The following UGT3A1 variants were observed in gnomAD, a reference collection of about 807,000 sequenced individuals.
UGT3A1 encodes the protein UDP glycosyltransferase family 3 member A1, also known as UDP-glycosyltransferase 3A1.
In UGT3A1, 40 loss-of-function variants were observed where a neutral mutation model predicts 37.6. The ratio of observed to expected loss-of-function variants is 1.06; its 90% CI spans 0.83 to 1.38. The LOEUF (loss-of-function observed/expected upper bound fraction) is 1.38, where lower values mean the gene tolerates loss of function less well. Ranked by LOEUF, UGT3A1 falls within the 40% of genes most tolerant of loss-of-function variation. UGT3A1 has a pLI of 0.00. For missense variants in UGT3A1, 642 were observed against 634.2 expected, an observed-to-expected ratio of 1.01 and a Z score of -0.13; for synonymous variants, 256 against 232.3, an observed-to-expected ratio of 1.10 and a Z score of -0.93.
At chr5:35,961,732 A>G (rs1580922716) in intron 4 of UGT3A1, 1 of 152,156 alleles carries the variant, frequency 6.6e-6, no homozygotes, top group African/African-American at 2.4e-5. Context: ...TTAGACCTCT[A>G]AAGTATTATC....
intron 2 of UGT3A1, among the ~76,000 whole-genome samples, chr5:35,985,714 G>T (rs1282936852): frequency 6.6e-6 from 1 of 152,184 alleles, no homozygotes; most frequent in Non-Finnish European, 1.5e-5. Flanking sequence ...GGTCAGAGTG[G>T]ATTTAAAACT....
In UGT3A1 at chr5:35,955,735, A is replaced by G; in HGVS notation, c.1205T>C (p.Val402Ala). 1 of 1,614,222 alleles carries G rather than the reference A, an allele frequency of 6.2e-7. No individual in the cohort carries two copies. The highest frequency in any genetic ancestry group is 8.5e-7 in the Non-Finnish European group (1 of 1,180,030). The change falls in exon 6 of 7, where the codon GTA becomes GCA. Residue 402 changes from valine to alanine, a missense_variant. Val to Ala is a moderately conservative substitution (Grantham distance 64, BLOSUM62 0). Coordinates refer to ENST00000274278, the MANE Select transcript of UGT3A1 (RefSeq NM_152404.4). ...GDQHGNMVRV[V>A]AKNYGVSIRL... Reference sequence around the variant, plus strand: ...GATAGAGACACCATAATTTTTGGCTACTACTCGGACCATGTTTCCATGCTG... The same window carrying G: ...GATAGAGACACCATAATTTTTGGCTGCTACTCGGACCATGTTTCCATGCTG...
chr5:35,997,925 T>C (rs1741134141), intron 1 of UGT3A1, among the ~76,000 whole-genome samples: 1 of 152,238 alleles, frequency 6.6e-6, no homozygotes, highest in Non-Finnish European at 1.5e-5. Flanking sequence ...ATTATCTCTG[T>C]CAAAGGACTG....
Position 35,969,993 on chromosome 5 carries a change from C to T in UGT3A1, c.197-1860G>A, listed in dbSNP as rs145673770. On this transcript the variant is annotated intron_variant, in intron 2 of 6. Transcript: ENST00000274278. The stretch of plus-strand genomic sequence containing the variant: ...TACAGTTCCACATGGCTGAGGAGAC[C>T]TCACAATCATGGCAGAAGGCAAGGA... 2.8e-3 allele frequency among the ~76,000 whole-genome samples: 424 copies of T among 152,202 alleles called. 4 individuals are homozygous for T. The highest frequency in any genetic ancestry group is 9.6e-3 in the African/African-American group (398 of 41,516).
intron 4 of UGT3A1, chr5:35,962,589 A>G (rs189008158): frequency 1.1e-3 from 318 of 280,972 alleles, no homozygotes; most frequent in African/African-American, 6.7e-3. Context: ...GGGCTGGATC[A>G]ATCCTACACT....
chr5:35,992,273 C>T (rs920567033), upstream of UGT3A1, among the ~76,000 whole-genome samples: 4 of 152,200 alleles, frequency 2.6e-5, no homozygotes, highest in East Asian at 1.9e-4. Context: ...TTTGTGCATC[C>T]TTCACCTAGA....
At chr5:36,000,119 C>T (rs775529272) in intron 1 of UGT3A1, among the ~76,000 whole-genome samples, 1 of 152,294 alleles carries the variant, frequency 6.6e-6, no homozygotes, top group African/African-American at 2.4e-5. Context: ...TCTAAGTTCA[C>T]GAAGGCATTT....
chr5:35,983,997 C>T (rs918777547), intron 2 of UGT3A1, among the ~76,000 whole-genome samples: 3 of 152,054 alleles, frequency 2.0e-5, no homozygotes, highest in Admixed American at 6.5e-5. Flanking sequence ...TGAAATAAGA[C>T]AAGGATGCCC....
chr5:35,951,720 CTTG>C lies in UGT3A1; in HGVS notation c.*2479_*2481del, dbSNP rs1306321764. Reference sequence around the variant, plus strand: ...TTGTGTCAAATTAATTTACACTTCTCTTGTTGTATCAGGATTTTTTCTTCCTAT... The same window carrying C: ...TTGTGTCAAATTAATTTACACTTCTCTTGTATCAGGATTTTTTCTTCCTAT... On this transcript the variant is annotated 3_prime_UTR_variant, in exon 7 of 7. Coordinates refer to ENST00000274278, the MANE Select transcript of UGT3A1 (RefSeq NM_152404.4). 1 of 152,118 alleles carries C rather than the reference CTTG, an allele frequency of 6.6e-6. No homozygotes were observed. The highest frequency in any genetic ancestry group is 6.5e-5 in the Admixed American group (1 of 15,270). 9.4% of individuals were successfully genotyped at this position (152,118 alleles called of 1,614,324 possible).
intron 2 of UGT3A1, among the ~76,000 whole-genome samples, chr5:35,986,941 A>T (rs1415810210): frequency 6.6e-6 from 1 of 152,140 alleles, no homozygotes; most frequent in Non-Finnish European, 1.5e-5. Flanking sequence ...CCCTGAAAAT[A>T]TGTACATCTA....
chr5:35,988,627 G>A (rs1481682798), intron 1 of UGT3A1, 76 bp from the exon 2 acceptor site: 5 of 1,142,952 alleles, frequency 4.4e-6, no homozygotes, highest in Non-Finnish European at 6.4e-6. Context: ...AGGCAGGAGG[G>A]AATGGAAATT....
chr5:35,955,504 A>G, intron 6 of UGT3A1, 141 bp downstream of exon 6: 9 of 937,064 alleles, frequency 9.6e-6, no homozygotes, highest in Non-Finnish European at 1.5e-5. Context: ...CAGAGAAAAC[A>G]GGTGGGCTGT....
intron 2 of UGT3A1, among the ~76,000 whole-genome samples, chr5:35,976,714 T>C (rs1235902673): frequency 2.6e-5 from 4 of 152,004 alleles, no homozygotes; most frequent in African/African-American, 9.7e-5. Context: ...TGCACATCTG[T>C]AGTTCCAGCT....
At chr5:35,996,236 C>G (rs547927465), upstream of UGT3A1, among the ~76,000 whole-genome samples, 3 of 152,138 alleles carry the variant, frequency 2.0e-5, no homozygotes, top group African/African-American at 7.2e-5. Context: ...GAGAATGCAA[C>G]TCAGGAAGAC....
chr5:35,957,939 A>G (rs1485902959), intron 4 of UGT3A1, among the ~76,000 whole-genome samples: 1 of 152,160 alleles, frequency 6.6e-6, no homozygotes, highest in Non-Finnish European at 1.5e-5. Flanking sequence ...ATTTGTGTAG[A>G]TAATCTTTCC....
chr5:35,969,136 A>G (rs1489917035), intron 2 of UGT3A1, among the ~76,000 whole-genome samples: 4 of 152,216 alleles, frequency 2.6e-5, no homozygotes, highest in Non-Finnish European at 5.9e-5. Flanking sequence ...TAAGACTGAC[A>G]TCAGTGCAAT....
At position 35,957,375 on chromosome 5, in the gene UGT3A1, GAC is replaced by G; in HGVS notation, c.886_887del (p.Val296ProfsTer60). The G allele has an allele frequency of 6.2e-7, 1 of 1,614,164 alleles. No individual in the cohort carries two copies. ...TCAACATGGAGCCAAAGGCCACAAGGACAAACCCTGCATCCCCAAAGTTGGCA... is the reference window on the plus strand; with the variant it reads ...TCAACATGGAGCCAAAGGCCACAAGGAAACCCTGCATCCCCAAAGTTGGCA... ...FIANFGDAGF[V>X]LVAFGSMLNT... On this transcript the variant is annotated frameshift_variant, in exon 5 of 7. Coordinates refer to ENST00000274278, the MANE Select transcript of UGT3A1 (RefSeq NM_152404.4). LOFTEE classifies it high-confidence loss of function.
chr5:35,971,275 G>T (rs752010564), intron 2 of UGT3A1, among the ~76,000 whole-genome samples: 3 of 152,142 alleles, frequency 2.0e-5, no homozygotes, highest in Admixed American at 6.5e-5. Flanking sequence ...ACAAAGGAAC[G>T]CACAAAAAGG....
At chr5:35,977,867 T>C (rs1055431986) in intron 2 of UGT3A1, among the ~76,000 whole-genome samples, 2 of 152,166 alleles carry the variant, frequency 1.3e-5, no homozygotes, top group African/African-American at 4.8e-5. Flanking sequence ...GATATATTAG[T>C]GACTAACTAG....
Sources: gnomAD v4.1 joint callset for allele counts (sites outside exome capture counted in the v4.1 genomes callset) on GRCh38, gnomAD v4.1.1 for gene constraint, MANE v1.5 for transcripts, NCBI Gene and HGNC (gene_info 2026-07-23, HGNC 2026-07-21) for gene names.